DPH6: variants seen among roughly 807,000 people sequenced by gnomAD.
DPH6 encodes diphthamine biosynthesis 6, also known as diphthine--ammonia ligase.
DPH6 carries 33 observed loss-of-function variants against 38.2 expected under a neutral mutation model. The observed-to-expected ratio is 0.86, with a 90% CI of 0.65 to 1.15. DPH6 has a LOEUF of 1.15. Ranked by LOEUF, DPH6 falls within the 50% of genes most tolerant of loss-of-function variation. The pLI is 0.00. For synonymous variants in DPH6, 108 were observed against 103.0 expected (o/e 1.05, Z -0.30); for missense variants, 325 against 320.0 (o/e 1.02, Z -0.12).
rs1025454768 is a variant in DPH6 at position 35,243,230 on chromosome 15, C to T, written n.201-22648G>A. ...ATATCACCCCTTACCACAAGATCTC[C>T]CTTCAGCTTAATCTCTCCCACTCTA... On this transcript the variant is annotated intron_variant and non_coding_transcript_variant, in intron 3 of 3. Coordinates refer to the DPH6 transcript ENST00000560386. Among the ~76,000 whole-genome samples, 7 of 142,384 alleles carry T rather than the reference C, an allele frequency of 4.9e-5. 1 individual carries two copies. Among genetic ancestry groups the T allele is most frequent in the African/African-American group, 1.8e-4 (7 of 39,272 alleles). 93.4% of individuals were successfully genotyped at this position (142,384 alleles called of 152,430 possible).
chr15:35,487,262 T>G (rs1595408068), intron 3 of DPH6, among the ~76,000 whole-genome samples: 1 of 152,216 alleles, frequency 6.6e-6, no homozygotes, highest in African/African-American at 2.4e-5. Context: ...AGTGCCCCAG[T>G]GGGAACTCTG....
intron 6 of DPH6, chr15:35,401,372 G>A (rs2053216784): frequency 4.0e-6 from 3 of 750,646 alleles, no homozygotes; most frequent in South Asian, 2.7e-5. Context: ...GGCGGCAGTG[G>A]GAATGGCTAT....
chr15:35,264,460 CG>C (rs2051770527), intron 3 of DPH6, among the ~76,000 whole-genome samples: 1 of 152,140 alleles, frequency 6.6e-6, no homozygotes, highest in Non-Finnish European at 1.5e-5. Flanking sequence ...CTGCATAAAG[CG>C]TAATGGACTT....
intron 3 of DPH6, among the ~76,000 whole-genome samples, chr15:35,344,679 A>G (rs994206527): frequency 2.0e-5 from 3 of 151,282 alleles, no homozygotes; most frequent in Non-Finnish European, 4.4e-5. Flanking sequence ...TTTAAATTAT[A>G]AACAAAATAA....
chr15:35,204,136 G>A, the DPH6 span, among the ~76,000 whole-genome samples: 2 of 151,620 alleles, frequency 1.3e-5, no homozygotes, highest in African/African-American at 4.8e-5. Context: ...GTGCACCATA[G>A]TTGACAGGCT....
At chr15:35,247,234 T>C (rs2051643202) in intron 3 of DPH6, among the ~76,000 whole-genome samples, 2 of 152,290 alleles carry the variant, frequency 1.3e-5, no homozygotes, top group African/African-American at 2.4e-5. Flanking sequence ...TTATGGCACA[T>C]TGGTAAAAAC....
chr15:35,409,822 A>G (rs1171971022), intron 6 of DPH6, among the ~76,000 whole-genome samples: 2 of 151,884 alleles, frequency 1.3e-5, no homozygotes, highest in Non-Finnish European at 2.9e-5. Context: ...TAGAAACCAA[A>G]TATAATTTAT....
intron 3 of DPH6, among the ~76,000 whole-genome samples, chr15:35,347,131 T>C (rs998056641): frequency 1.6e-4 from 25 of 152,118 alleles, no homozygotes; most frequent in African/African-American, 4.6e-4. Flanking sequence ...TCTAAACCCA[T>C]TGAACTCTCC....
chr15:35,479,949 GTTAT>G (rs1216936517), intron 3 of DPH6, among the ~76,000 whole-genome samples: 2 of 151,878 alleles, frequency 1.3e-5, no homozygotes, highest in Non-Finnish European at 2.9e-5. Flanking sequence ...AAGAATGTAA[GTTAT>G]TTGTTTAAAA....
intron 3 of DPH6, among the ~76,000 whole-genome samples, chr15:35,238,445 A>G (rs2051573058): frequency 6.6e-6 from 1 of 152,204 alleles, no homozygotes; most frequent in African/African-American, 2.4e-5. Flanking sequence ...CTATGCAAAT[A>G]GTACACCACC....
intron 3 of DPH6, among the ~76,000 whole-genome samples, chr15:35,535,390 T>C (rs1480661315): frequency 6.6e-6 from 1 of 152,152 alleles, no homozygotes; most frequent in East Asian, 1.9e-4. Flanking sequence ...AATGGAAAGA[T>C]TCCAAAGTCC....
the DPH6 span, among the ~76,000 whole-genome samples, chr15:35,194,329 A>G: frequency 6.6e-6 from 1 of 151,980 alleles, no homozygotes; most frequent in Non-Finnish European, 1.5e-5. Flanking sequence ...ATATATGAAT[A>G]CAGGGAGACC....
intron 3 of DPH6, among the ~76,000 whole-genome samples, chr15:35,252,315 A>G (rs945081639): frequency 6.6e-6 from 1 of 152,220 alleles, no homozygotes; most frequent in Non-Finnish European, 1.5e-5. Context: ...GAAAGATAGT[A>G]GCTGGTTTTA....
chr15:35,190,800 T>G, the DPH6 span, among the ~76,000 whole-genome samples: 2 of 152,240 alleles, frequency 1.3e-5, no homozygotes, highest in East Asian at 3.8e-4. Flanking sequence ...GCTTTTGCCC[T>G]GGAATGAACA....
intron 3 of DPH6, among the ~76,000 whole-genome samples, chr15:35,285,872 G>GTTTTTTTTTTTTTTTGTTTTT (rs2051939211): frequency 1.9e-5 from 1 of 52,794 alleles, no homozygotes; most frequent in Admixed American, 3.4e-4. Context: ...TTATCTTTGA[G>GTTTTTTTTTTTTTTTGTTTTT]TTTTTTTTTT....
intron 3 of DPH6, among the ~76,000 whole-genome samples, chr15:35,363,244 G>C (rs868132180): frequency 6.6e-6 from 1 of 152,030 alleles, no homozygotes; most frequent in Non-Finnish European, 1.5e-5. Flanking sequence ...CAAAAATCTT[G>C]AATTATGACT....
intron 3 of DPH6, among the ~76,000 whole-genome samples, chr15:35,220,821 A>AT (rs1005108629): frequency 3.9e-5 from 6 of 152,016 alleles, no homozygotes; most frequent in African/African-American, 1.2e-4. Flanking sequence ...TGAAAAAAAA[A>AT]TTTTTTTGAA....
At chr15:35,251,963 AC>A (rs35476904) in intron 3 of DPH6, among the ~76,000 whole-genome samples, 1 of 152,144 alleles carries the variant, frequency 6.6e-6, no homozygotes, top group Non-Finnish European at 1.5e-5. Flanking sequence ...ACATGGTGAA[AC>A]CCCATCTCTA....
chr15:35,423,966 C>A (rs2053537866), intron 5 of DPH6, among the ~76,000 whole-genome samples: 1 of 151,652 alleles, frequency 6.6e-6, no homozygotes, highest in South Asian at 2.1e-4. Context: ...GTTTTCATTA[C>A]CCTAGCTTTA....
Sources: gnomAD v4.1 joint callset for allele counts (sites outside exome capture counted in the v4.1 genomes callset) on GRCh38, gnomAD v4.1.1 for gene constraint, MANE v1.5 for transcripts, NCBI Gene and HGNC (gene_info 2026-07-23, HGNC 2026-07-21) for gene names.